The following ATP2B2 variants were observed in gnomAD, a reference collection of about 807,000 sequenced individuals.
ATP2B2 encodes the protein ATPase plasma membrane Ca2+ transporting 2, also known as plasma membrane calcium-transporting ATPase 2.
ATP2B2 carries 15 observed loss-of-function variants against 120.0 expected under a neutral mutation model. The ratio of observed to expected loss-of-function variants is 0.12; its 90% CI spans 0.08 to 0.19. ATP2B2 has a LOEUF of 0.19. ATP2B2 is among the 10% of genes least tolerant of loss of function. The probability of loss-of-function intolerance (pLI) is 1.00; values close to 1 mark genes in which losing one functional copy is unlikely to be tolerated. For missense variants in ATP2B2, 1,045 were observed against 1,719.8 expected (o/e 0.61, Z 6.94); for synonymous variants, 694 against 700.3 (o/e 0.99, Z 0.14).
chr3:10,636,674 A>G (rs1199725755), intron 1 of ATP2B2, among the ~76,000 whole-genome samples: 1 of 152,254 alleles, frequency 6.6e-6, no homozygotes, highest in Non-Finnish European at 1.5e-5. Flanking sequence ...CTAGAGATGA[A>G]AAACAAAATA....
At chr3:10,355,890 G>A (rs1238456953) in intron 14 of ATP2B2, among the ~76,000 whole-genome samples, 2 of 51,656 alleles carry the variant, frequency 3.9e-5, no homozygotes, top group Non-Finnish European at 7.7e-5. Flanking sequence ...TGGCTAACAC[G>A]GTGAAACCCC....
intron 1 of ATP2B2, among the ~76,000 whole-genome samples, chr3:10,687,293 T>G (rs1388935312): frequency 6.6e-6 from 1 of 152,092 alleles, no homozygotes; most frequent in Non-Finnish European, 1.5e-5. Flanking sequence ...TTAAGCAACA[T>G]AATCCTCATA....
chr3:10,706,212 G>A (rs1043894160), intron 1 of ATP2B2, among the ~76,000 whole-genome samples: 1 of 152,174 alleles, frequency 6.6e-6, no homozygotes, highest in African/African-American at 2.4e-5. Context: ...ATGAATGAAT[G>A]AGCCTCACCC....
At chr3:10,406,214 G>A (rs1344662183) in intron 3 of ATP2B2, among the ~76,000 whole-genome samples, 1 of 152,218 alleles carries the variant, frequency 6.6e-6, no homozygotes. Flanking sequence ...GTTCATCAGG[G>A]GGCATCCAGC....
At chr3:10,368,540 C>T (rs1040413841) in intron 12 of ATP2B2, among the ~76,000 whole-genome samples, 3 of 152,074 alleles carry the variant, frequency 2.0e-5, no homozygotes, top group African/African-American at 7.2e-5. Flanking sequence ...CCCATCCCAT[C>T]CATCCACCCA....
intron 3 of ATP2B2, among the ~76,000 whole-genome samples, chr3:10,405,376 C>T (rs2062374168): frequency 6.6e-6 from 1 of 152,194 alleles, no homozygotes; most frequent in Non-Finnish European, 1.5e-5. Flanking sequence ...AGCCGATTAG[C>T]TATTGTCTCC....
intron 1 of ATP2B2, among the ~76,000 whole-genome samples, chr3:10,467,887 A>ATCCCGCTC (rs1335629517): frequency 6.6e-6 from 1 of 152,058 alleles, no homozygotes; most frequent in African/African-American, 2.4e-5. Context: ...TATCTCAATA[A>ATCCCGCTC]TCCCGCTCTC....
At chr3:10,412,435 C>A (rs1389587080) in intron 2 of ATP2B2, among the ~76,000 whole-genome samples, 3 of 152,174 alleles carry the variant, frequency 2.0e-5, no homozygotes, top group African/African-American at 7.2e-5. Context: ...TCAAGCTGCC[C>A]CATGTCGCCC....
chr3:10,431,926 A>C (rs1020360987), intron 2 of ATP2B2, among the ~76,000 whole-genome samples: 4 of 152,222 alleles, frequency 2.6e-5, no homozygotes, highest in Admixed American at 2.6e-4. Flanking sequence ...ATTTATAGCA[A>C]AAGATAAAAA....
intron 1 of ATP2B2, among the ~76,000 whole-genome samples, chr3:10,452,848 G>T (rs2064112417): frequency 6.6e-6 from 1 of 152,180 alleles, no homozygotes; most frequent in Non-Finnish European, 1.5e-5. Context: ...GCCCCAGGAG[G>T]CCTCAGTCCT....
chr3:10,439,007 C>T (rs530397716), intron 2 of ATP2B2, among the ~76,000 whole-genome samples: 1 of 152,302 alleles, frequency 6.6e-6, no homozygotes, highest in East Asian at 1.9e-4. Context: ...TGGGAGCCAG[C>T]GTGGGAGGGC....
At chr3:10,391,151 G>C (rs1239309312) in intron 5 of ATP2B2, among the ~76,000 whole-genome samples, 1 of 152,178 alleles carries the variant, frequency 6.6e-6, no homozygotes, top group African/African-American at 2.4e-5. Context: ...CAGGGCACAT[G>C]CTGCCCTCCA....
At chr3:10,404,386 A>G (rs531767668) in intron 3 of ATP2B2, among the ~76,000 whole-genome samples, 22 of 152,234 alleles carry the variant, frequency 1.4e-4, no homozygotes, top group Admixed American at 5.2e-4. Flanking sequence ...TTTGAATCCC[A>G]GCTGCGCTAA....
At chr3:10,465,615 T>C (rs1016217448) in intron 1 of ATP2B2, among the ~76,000 whole-genome samples, 3 of 152,220 alleles carry the variant, frequency 2.0e-5, no homozygotes, top group African/African-American at 7.2e-5. Flanking sequence ...AATCTTCAAG[T>C]CAAAGGATCT....
intron 3 of ATP2B2, among the ~76,000 whole-genome samples, chr3:10,404,177 T>G (rs1316029479): frequency 1.3e-5 from 2 of 152,152 alleles, no homozygotes; most frequent in Non-Finnish European, 2.9e-5. Context: ...GTGGCCCAGC[T>G]GCATGCACCC....
chr3:10,638,553 A>G (rs1042582990), intron 1 of ATP2B2, among the ~76,000 whole-genome samples: 19 of 152,254 alleles, frequency 1.2e-4, no homozygotes, highest in Non-Finnish European at 2.2e-4. Flanking sequence ...GGAAATAGGG[A>G]AAAAGTGCAC....
intron 3 of ATP2B2, among the ~76,000 whole-genome samples, chr3:10,404,918 C>T (rs1023886728): frequency 6.6e-6 from 1 of 152,200 alleles, no homozygotes; most frequent in Admixed American, 6.5e-5. Context: ...TTGCTATGTG[C>T]TCTGGAAATG....
intron 1 of ATP2B2, among the ~76,000 whole-genome samples, chr3:10,452,676 G>T (rs538688227): frequency 1.8e-4 from 28 of 152,278 alleles, no homozygotes; most frequent in African/African-American, 6.5e-4. Context: ...GGAGAGATGG[G>T]TCTCAGATGC....
intron 3 of ATP2B2, among the ~76,000 whole-genome samples, chr3:10,512,496 A>T (rs578259096): frequency 6.6e-6 from 1 of 151,830 alleles, no homozygotes; most frequent in African/African-American, 2.4e-5. Flanking sequence ...ACACACACAC[A>T]CACACACACA....
Sources: allele counts gnomAD v4.1 joint callset (sites outside exome capture counted in the v4.1 genomes callset), GRCh38; gene constraint gnomAD v4.1.1; transcripts MANE v1.5; gene names NCBI Gene and HGNC (gene_info 2026-07-23, HGNC 2026-07-21).